Variants in RXFP1 observed in about 807,000 individuals in gnomAD.
RXFP1 encodes the protein relaxin family peptide receptor 1, also known as relaxin receptor 1.
RXFP1 carries 73 observed loss-of-function variants against 89.8 expected under a neutral mutation model. The ratio of observed to expected loss-of-function variants is 0.81; its 90% CI spans 0.67 to 0.99. RXFP1 has a LOEUF of 0.99. Among genes scored for constraint, RXFP1 ranks in the 50% least tolerant of loss-of-function variants. The probability of loss-of-function intolerance (pLI) is 0.00; values close to 1 mark genes in which losing one functional copy is unlikely to be tolerated. For missense variants in RXFP1, 793 were observed against 895.5 expected, an observed-to-expected ratio of 0.89 and a Z score of 1.46; for synonymous variants, 277 against 305.5, an observed-to-expected ratio of 0.91 and a Z score of 0.97.
At chr4:158,651,259 A>G (rs1772668434) in intron 17 of RXFP1, among the ~76,000 whole-genome samples, 3 of 152,244 alleles carry the variant, frequency 2.0e-5, no homozygotes. Flanking sequence ...TTACAGAAAT[A>G]AATATCTGGT....
chr4:158,551,415 C>A (rs558564496), intron 1 of RXFP1, among the ~76,000 whole-genome samples: 142 of 152,200 alleles, frequency 9.3e-4, no homozygotes, highest in African/African-American at 3.0e-3. Context: ...AAAATCAGTT[C>A]CAGAGATCTG....
intron 1 of RXFP1, among the ~76,000 whole-genome samples, chr4:158,549,271 G>A (rs978209133): frequency 2.0e-4 from 31 of 151,914 alleles, no homozygotes; most frequent in Admixed American, 3.3e-4. Flanking sequence ...CATTCTTCAC[G>A]TAGTTCTCGA....
chr4:158,645,265 T>C, intron 15 of RXFP1, 127 bp downstream of exon 15: 1 of 663,112 alleles, frequency 1.5e-6, no homozygotes, highest in Non-Finnish European at 2.6e-6. Context: ...GCTTGTATGC[T>C]GTTTTCACAT....
chr4:158,544,367 G>C (rs1747646862), intron 1 of RXFP1: 1 of 985,072 alleles, frequency 1.0e-6, no homozygotes, highest in South Asian at 4.7e-5. Context: ...GATTTCAAAA[G>C]AGGGACAGAT....
At chr4:158,632,171 G>C (rs1768169955) in intron 11 of RXFP1, among the ~76,000 whole-genome samples, 1 of 152,154 alleles carries the variant, frequency 6.6e-6, no homozygotes, top group South Asian at 2.1e-4. Context: ...TGTCTAATCA[G>C]AACAATCTGT....
At chr4:158,584,718 G>C (rs907824841) in intron 2 of RXFP1, among the ~76,000 whole-genome samples, 1 of 152,088 alleles carries the variant, frequency 6.6e-6, no homozygotes, top group Non-Finnish European at 1.5e-5. Flanking sequence ...CCACCTGGGG[G>C]GCTGTGAAAG....
chr4:158,649,610 CA>C (rs1266169284), intron 17 of RXFP1, among the ~76,000 whole-genome samples: 1 of 150,946 alleles, frequency 6.6e-6, no homozygotes, highest in African/African-American at 2.5e-5. Flanking sequence ...GATCCTGTCT[CA>C]AAAAAATAAA....
intron 2 of RXFP1, among the ~76,000 whole-genome samples, chr4:158,577,185 G>C (rs879877441): frequency 6.6e-6 from 1 of 152,044 alleles, no homozygotes; most frequent in African/African-American, 2.4e-5. Context: ...CTACAGGTGT[G>C]TGTTACCATG....
Position 158,534,755 on chromosome 4 carries a change from T to C in RXFP1, c.49+12730T>C, listed in dbSNP as rs578168401. ...TCAATGTCACGGGCACATCAATGCT[T>C]AGTCCAGAACTCGAACTCAAGCTTA... is the stretch of plus-strand genomic sequence containing the variant. On this transcript the variant is annotated intron_variant, in intron 1 of 17. Transcript: ENST00000307765. Among the ~76,000 whole-genome samples the C allele has an allele frequency of 2.2e-4, 34 of 151,718 alleles. 1 individual carries two copies. The South Asian group carries it at 6.9e-3, about 31-fold the overall frequency.
intron 1 of RXFP1, among the ~76,000 whole-genome samples, chr4:158,541,155 G>C (rs1364013000): frequency 6.6e-6 from 1 of 152,092 alleles, no homozygotes; most frequent in Non-Finnish European, 1.5e-5. Context: ...TATGCATCAT[G>C]TCCAGAAAAA....
intron 1 of RXFP1, among the ~76,000 whole-genome samples, chr4:158,567,296 C>T (rs1029616352): frequency 8.5e-5 from 13 of 152,168 alleles, no homozygotes; most frequent in African/African-American, 2.2e-4. Flanking sequence ...GGCGCACGGC[C>T]GGGACTGGCA....
Position 158,652,247 on chromosome 4 carries a change from T to C in RXFP1, c.*192T>C, listed in dbSNP as rs1772880752. On this transcript the variant is annotated 3_prime_UTR_variant, in exon 18 of 18. Coordinates refer to ENST00000307765, the MANE Select transcript of RXFP1 (RefSeq NM_021634.4). Reference sequence around the variant, plus strand: ...AGTAATTATATCAATAATGTATATATATTAGTAGACATTTTGCATAAGAAA... The same window carrying C: ...AGTAATTATATCAATAATGTATATACATTAGTAGACATTTTGCATAAGAAA... 2.0e-6 allele frequency: 1 copy of C among 503,618 alleles called. No homozygotes were observed. The highest frequency in any genetic ancestry group is 1.9e-5 in the African/African-American group (1 of 51,346). 31.2% of individuals were successfully genotyped at this position (503,618 alleles called of 1,614,324 possible).
At chr4:158,580,840 C>G (rs1402428422) in intron 2 of RXFP1, among the ~76,000 whole-genome samples, 1 of 152,176 alleles carries the variant, frequency 6.6e-6, no homozygotes, top group Non-Finnish European at 1.5e-5. Flanking sequence ...CTCTATCACC[C>G]AGACTGGAGT....
chr4:158,612,334 T>C lies in RXFP1; in HGVS notation c.652T>C (p.Phe218Leu), dbSNP rs757707843. 4 of 1,611,406 alleles carry C rather than the reference T, an allele frequency of 2.5e-6. No individual in the cohort carries two copies. The highest frequency in any genetic ancestry group is 8.5e-7 in the Non-Finnish European group (1 of 1,178,122). Reference sequence around the variant, plus strand: ...CCTCAGTCGAATTTCCCCACCAACATTTTATGGACTAAATTCTCTTATTCT... The same window carrying C: ...CCTCAGTCGAATTTCCCCACCAACACTTTATGGACTAAATTCTCTTATTCT... ...NHLSRISPPT[F>L]YGLNSLILLV... Residue 218 changes from phenylalanine to leucine, a missense_variant, in exon 8 of 18, where the codon TTT becomes CTT. Physicochemically the swap from Phe to Leu is conservative, Grantham distance 22. Transcript: ENST00000307765.
chr4:158,620,890 G>T (rs987448126), intron 9 of RXFP1, among the ~76,000 whole-genome samples: 4 of 152,214 alleles, frequency 2.6e-5, no homozygotes, highest in Admixed American at 6.5e-5. Flanking sequence ...GGAGGCCGAG[G>T]CAGGAGGATC....
intron 1 of RXFP1, among the ~76,000 whole-genome samples, chr4:158,570,930 C>A (rs888630303): frequency 6.6e-6 from 1 of 152,146 alleles, no homozygotes; most frequent in Admixed American, 6.6e-5. Flanking sequence ...CCTGAAGCCT[C>A]TTCCTCACCA....
chr4:158,613,674 T>C (rs1433763017), intron 8 of RXFP1, among the ~76,000 whole-genome samples: 1 of 152,200 alleles, frequency 6.6e-6, no homozygotes, highest in Admixed American at 6.5e-5. Flanking sequence ...CAGTTACTTC[T>C]TCCACTGAAG....
intron 6 of RXFP1, among the ~76,000 whole-genome samples, chr4:158,608,431 C>T (rs755145871): frequency 1.3e-5 from 2 of 149,444 alleles, no homozygotes; most frequent in African/African-American, 2.5e-5. Context: ...CAGCATCCAG[C>T]ATGAGCCATA....
chr4:158,648,107 T>C (rs1771926771), intron 16 of RXFP1, among the ~76,000 whole-genome samples: 1 of 152,102 alleles, frequency 6.6e-6, no homozygotes, highest in Admixed American at 6.6e-5. Flanking sequence ...GCCCAGGAGT[T>C]TGAGGCTGCA....
Sources: gnomAD v4.1 joint callset for allele counts (sites outside exome capture counted in the v4.1 genomes callset) on GRCh38, gnomAD v4.1.1 for gene constraint, MANE v1.5 for transcripts, NCBI Gene and HGNC (gene_info 2026-07-23, HGNC 2026-07-21) for gene names.